Variants in MCF2L observed in about 807,000 individuals in gnomAD.
The protein encoded by MCF2L is MCF.2 cell line derived transforming sequence like.
Under a neutral mutation model 153.4 loss-of-function variants are expected in MCF2L, and 97 were observed. The ratio of observed to expected loss-of-function variants is 0.63; its 90% CI spans 0.54 to 0.75. The LOEUF is 0.75. Ranked by LOEUF, MCF2L falls within the 30% of genes least tolerant of loss-of-function variation. The pLI, the probability that MCF2L is intolerant of heterozygous loss-of-function variation, is 0.00. For missense variants in MCF2L, 1,347 were observed against 1,495.2 expected, an observed-to-expected ratio of 0.90 and a Z score of 1.64; for synonymous variants, 659 against 632.2, an observed-to-expected ratio of 1.04 and a Z score of -0.64.
intron 7 of MCF2L, among the ~76,000 whole-genome samples, chr13:113,065,571 G>A (rs969798187): frequency 1.3e-5 from 2 of 152,254 alleles, no homozygotes; most frequent in Non-Finnish European, 2.9e-5. Context: ...TGTCCACAGC[G>A]CTTGCTGGAA....
At chr13:112,908,454 C>A (rs963319494) in intron 2 of MCF2L, among the ~76,000 whole-genome samples, 1 of 152,172 alleles carries the variant, frequency 6.6e-6, no homozygotes, top group Admixed American at 6.5e-5. Context: ...CTCAGGTGAA[C>A]GGAAGGTGTC....
chr13:113,060,606 C>A lies in MCF2L; in HGVS notation c.383C>A (p.Ala128Glu), dbSNP rs1202320296. ...SVLRIAASFP[A>E]NLQLVLVLRP... ...CCTCTCTCACAGGCATCTTTCCCGG[C>A]AAACCTGCAGCTCGTCCTCGTGCTT... The change falls in exon 5 of 30, where the codon GCA becomes GAA. Residue 128 changes from alanine to glutamate, a missense_variant. Transcript: ENST00000535094. The A allele has an allele frequency of 6.2e-7, 1 of 1,613,248 alleles. No individual in the cohort carries two copies. The highest frequency in any genetic ancestry group is 8.5e-7 in the Non-Finnish European group (1 of 1,179,966).
chr13:113,047,881 C>T (rs148670072), intron 4 of MCF2L, among the ~76,000 whole-genome samples: 20 of 50,992 alleles, frequency 3.9e-4, no homozygotes, highest in African/African-American at 1.2e-3. Context: ...CCAGAGCCTC[C>T]GCTGATGCCT....
rs2081812168 is a variant in MCF2L, at chr13:112,960,488, A to C, written c.170-54275A>C. 6.6e-6 allele frequency among the ~76,000 whole-genome samples: 1 copy of C among 151,980 alleles called. No homozygotes were observed. Among genetic ancestry groups the C allele is most frequent in the Non-Finnish European group, 1.5e-5 (1 of 68,004 alleles). ...CTGCTCATTTTGGTTGTTGCATTGA[A>C]ATGTGGGTGTGATGGATGCTGGAGT... On this transcript the variant is annotated intron_variant, in intron 2 of 29. Coordinates refer to the MCF2L transcript ENST00000375608. This position sits in a 1 kb window ranked among gnomAD's most constrained non-coding sequence, Gnocchi z 4.2.
At chr13:112,898,815 G>A (rs945607482) in intron 1 of MCF2L, among the ~76,000 whole-genome samples, 13 of 152,024 alleles carry the variant, frequency 8.6e-5, no homozygotes, top group African/African-American at 1.2e-4. Flanking sequence ...CCTCCCCACC[G>A]GTCAGCATCA....
intron 2 of MCF2L, among the ~76,000 whole-genome samples, chr13:112,918,128 C>T (rs2081314410): frequency 6.6e-6 from 1 of 152,216 alleles, no homozygotes; most frequent in African/African-American, 2.4e-5. Flanking sequence ...ATTGTGCTGC[C>T]TTCATAATTC....
At chr13:113,078,085 C>T (rs1026401028) in intron 13 of MCF2L, among the ~76,000 whole-genome samples, 9 of 139,832 alleles carry the variant, frequency 6.4e-5, no homozygotes, top group African/African-American at 2.4e-4. Context: ...GTCCTGCCCA[C>T]GCCACCACCT....
In MCF2L at chr13:113,060,617, C is replaced by T. The variant is rs755718311; in HGVS notation, c.394C>T (p.Leu132Phe). 4.3e-6 allele frequency: 7 copies of T among 1,613,498 alleles called. No homozygotes were observed. The South Asian group carries it at 4.4e-5, about 10-fold the overall frequency. ...IAASFPANLQ[L>F]VLVLRPTGFF... ...GGCATCTTTCCCGGCAAACCTGCAG[C>T]TCGTCCTCGTGCTTCGCCCGACGGG... is the stretch of plus-strand genomic sequence containing the variant. Residue 132 changes from leucine to phenylalanine, a missense_variant, in exon 5 of 30, where the codon CTC (leucine) becomes TTC (phenylalanine). Around this residue, in one of 3 missense-constraint regions of MCF2L, gnomAD observed 820 missense variants for 921.2 expected, o/e 0.89. Coordinates refer to ENST00000535094, the MANE Select transcript of MCF2L (RefSeq NM_001112732.3).
At chr13:112,954,250 T>C (rs2081730269) in intron 2 of MCF2L, among the ~76,000 whole-genome samples, 1 of 152,160 alleles carries the variant, frequency 6.6e-6, no homozygotes, top group Admixed American at 6.5e-5. Context: ...TGCCCAGCTC[T>C]GCCCACCAAG....
In MCF2L at chr13:113,086,249, C is replaced by A. The variant is rs947895738; in HGVS notation, c.2373C>A (p.Asp791Glu). 3 of 1,608,706 alleles carry A rather than the reference C, an allele frequency of 1.9e-6. No homozygotes were observed. The highest frequency in any genetic ancestry group is 2.3e-5 in the East Asian group (1 of 44,352). Residue 791 changes from aspartate to glutamate, a missense_variant and splice_region_variant, in exon 21 of 30, where the codon GAC (aspartate) becomes GAA (glutamate). Coordinates refer to ENST00000535094, the MANE Select transcript of MCF2L (RefSeq NM_001112732.3). ...ACCTCATCGCTATCACCGGCTATGACGTAAGGCGCCCAGATGCCCGGTCTT... is the reference window on the plus strand; with the variant it reads ...ACCTCATCGCTATCACCGGCTATGAAGTAAGGCGCCCAGATGCCCGGTCTT... ...SMHLIAITGY[D>E]GNLGDLGKLL...
chr13:112,998,410 G>T (rs988925583), intron 1 of MCF2L, among the ~76,000 whole-genome samples: 2 of 152,188 alleles, frequency 1.3e-5, no homozygotes, highest in Non-Finnish European at 2.9e-5. Flanking sequence ...TTGGGGAAAT[G>T]GGCTGGGGAC....
chr13:113,001,723 G>C, intron 1 of MCF2L: 1 of 1,359,722 alleles, frequency 7.4e-7, no homozygotes, highest in Non-Finnish European at 9.4e-7. Context: ...CAGGGACATC[G>C]AATCGGAGGC....
intron 2 of MCF2L, chr13:112,909,250 C>G: frequency 1.3e-6 from 1 of 779,800 alleles, no homozygotes; most frequent in Non-Finnish European, 2.4e-6. Context: ...GTGATTCCAG[C>G]AGAGGTCTCG....
At position 112,950,321 on chromosome 13, in the gene MCF2L, A is replaced by G. The variant is rs35087185; in HGVS notation, c.169+47950A>G. On this transcript the variant is annotated intron_variant, in intron 2 of 29. Transcript: ENST00000375608. ...ATAGTAAAGATGTCAGTTTTCCTCA[A>G]ACAGATGAACAGAATTCTTATCAAA... 4.6e-5 allele frequency among the ~76,000 whole-genome samples: 7 copies of G among 152,358 alleles called. No homozygotes were observed. In the East Asian group the frequency reaches 1.2e-3, roughly 25 times the overall value.
intron 2 of MCF2L, among the ~76,000 whole-genome samples, chr13:113,020,202 T>TA (rs1466999579): frequency 6.6e-6 from 1 of 152,252 alleles, no homozygotes; most frequent in African/African-American, 2.4e-5. Flanking sequence ...GATGTCATAG[T>TA]AAATTAACCA....
upstream of MCF2L, among the ~76,000 whole-genome samples, chr13:112,966,947 C>G (rs564512726): frequency 6.6e-6 from 1 of 152,324 alleles, no homozygotes; most frequent in Non-Finnish European, 1.5e-5. The surrounding 1 kb of genome is among the most constrained non-coding windows in gnomAD (Gnocchi z 4.1). Flanking sequence ...CTTAACAAGT[C>G]CTCGGTAGAT....
Position 112,983,597 on chromosome 13 carries a change from G to T in MCF2L, c.79+14139G>T, listed in dbSNP as rs1325356643. Among the ~76,000 whole-genome samples, 1 of 152,244 alleles carries T rather than the reference G, an allele frequency of 6.6e-6. No individual in the cohort carries two copies. Among genetic ancestry groups the T allele is most frequent in the Non-Finnish European group, 1.5e-5 (1 of 68,038 alleles). ...AGGCGGAGACAGGGAGCCGGGAGGA[G>T]CGTCAGATGCCTGTGGCCTCTTTAC... On this transcript the variant is annotated intron_variant, in intron 1 of 29. Coordinates refer to ENST00000535094, the MANE Select transcript of MCF2L (RefSeq NM_001112732.3). The surrounding 1 kb of genome is among the most constrained non-coding windows in gnomAD (Gnocchi z 4.0).
chr13:112,924,744 T>C (rs1391602293), intron 2 of MCF2L, among the ~76,000 whole-genome samples: 1 of 152,128 alleles, frequency 6.6e-6, no homozygotes, highest in Non-Finnish European at 1.5e-5. Flanking sequence ...AAGTTGATCA[T>C]AAAACCCACT....
At chr13:112,918,859 G>A (rs1049830385) in intron 2 of MCF2L, among the ~76,000 whole-genome samples, 1 of 152,160 alleles carries the variant, frequency 6.6e-6, no homozygotes, top group South Asian at 2.1e-4. Flanking sequence ...CATTTTCCCA[G>A]TGCAGGAGCT....
Sources: gnomAD v4.1 joint callset for allele counts (sites outside exome capture counted in the v4.1 genomes callset) on GRCh38, gnomAD v4.1.1 for gene constraint, gnomAD v4.1.1 regional missense constraint, Gnocchi (gnomAD v3.1) non-coding constraint, MANE v1.5 for transcripts, NCBI Gene and HGNC (gene_info 2026-07-23, HGNC 2026-07-21) for gene names.